The following KCNMB1 variants were observed in gnomAD, a reference collection of about 807,000 sequenced individuals.
KCNMB1 encodes calcium-activated potassium channel subunit beta-1.
In KCNMB1, 22 loss-of-function variants were observed where a neutral mutation model predicts 21.7. The observed-to-expected ratio is 1.01, with a 90% CI of 0.72 to 1.45. KCNMB1 has a LOEUF of 1.45. Among genes scored for constraint, KCNMB1 ranks in the 40% most tolerant of loss-of-function variants. KCNMB1 has a pLI of 0.00. For synonymous variants in KCNMB1, 114 were observed against 107.6 expected (o/e 1.06, Z -0.37); for missense variants, 243 against 243.4 (o/e 1.00, Z 0.01).
At chr5:170,383,987 G>A (rs1764364034) in intron 2 of KCNMB1, 137 bp from the exon 3 acceptor site, 2 of 818,442 alleles carry the variant, frequency 2.4e-6, no homozygotes, top group Non-Finnish European at 3.8e-6. Flanking sequence ...TCAGCATCCA[G>A]CAATAAAGGC....
At chr5:170,381,740 A>G (rs1299146688) in intron 3 of KCNMB1, among the ~76,000 whole-genome samples, 1 of 152,204 alleles carries the variant, frequency 6.6e-6, no homozygotes, top group African/African-American at 2.4e-5. Flanking sequence ...TCTCAGGACC[A>G]GGGAGGCAGC....
Position 170,382,971 on chromosome 5 carries a change from G to A in KCNMB1, c.306+708C>T, listed in dbSNP as rs572743735. On this transcript the variant is annotated intron_variant, in intron 3 of 3. Coordinates refer to ENST00000274629, the MANE Select transcript of KCNMB1 (RefSeq NM_004137.4). ...AGGAAGGAAGGAAGGAAGGAAGGGA[G>A]GGAGAGAGGGAGGGAAGGAGGGAGG... is the stretch of plus-strand genomic sequence containing the variant. 2.3e-3 allele frequency: 348 copies of A among 149,470 alleles called. 5 individuals carry two copies. The highest frequency in any genetic ancestry group is 0.017 in the Admixed American group (248 of 14,808). 9.3% of individuals were successfully genotyped at this position (149,470 alleles called of 1,614,324 possible).
rs1764025016 is a variant in KCNMB1 at position 170,376,875 on chromosome 5, G to A, written c.*1829C>T. The A allele has an allele frequency of 6.6e-6, 1 of 151,986 alleles. No individual in the cohort carries two copies. The highest frequency in any genetic ancestry group is 1.5e-5 in the Non-Finnish European group (1 of 68,002). The allele number at this position is 151,986 out of a possible 1,614,324, so 9.4% of individuals were successfully genotyped here. A position where few individuals can be genotyped will look rare whatever the true frequency, so the allele number is the denominator to read the frequency against. ...GTGTACCCTGCAACTTAAAATGAAA[G>A]TTAAGAAAAAAACACACACACAAAA... is the stretch of plus-strand genomic sequence containing the variant. On this transcript the variant is annotated 3_prime_UTR_variant, in exon 4 of 4. Transcript: ENST00000274629.
In KCNMB1 at chr5:170,378,820, G is replaced by T. The variant is rs1310513332; in HGVS notation, c.460C>A (p.Pro154Thr). 2 of 1,614,122 alleles carry T rather than the reference G, an allele frequency of 1.2e-6. No individual in the cohort carries two copies. The highest frequency in any genetic ancestry group is 1.3e-5 in the African/African-American group (1 of 74,940). Residue 154 changes from proline to threonine, a missense_variant, in exon 4 of 4, where the codon CCC (proline) becomes ACC (threonine). Coordinates refer to ENST00000274629, the MANE Select transcript of KCNMB1 (RefSeq NM_004137.4). ...AAGAGGGAGAAGAGGAGGGCCTGGG[G>T]CCCGTAGAGGCGCTGGAATAGGACG... The part of the protein sequence containing the change: ...TSVLFQRLYG[P>T]QALLFSLFWP...
chr5:170,385,971 A>T (rs1764452391), intron 1 of KCNMB1, among the ~76,000 whole-genome samples: 1 of 151,750 alleles, frequency 6.6e-6, no homozygotes. Context: ...AAAAAAATAC[A>T]AAAAATTAGC....
chr5:170,384,228 C>T (rs908850815), intron 2 of KCNMB1, among the ~76,000 whole-genome samples: 8 of 152,172 alleles, frequency 5.3e-5, no homozygotes, highest in East Asian at 1.9e-4. Flanking sequence ...GTGATTCTGA[C>T]GAGCAGCCAA....
Position 170,378,566 on chromosome 5 carries a change from C to T in KCNMB1, c.*138G>A. On this transcript the variant is annotated 3_prime_UTR_variant, in exon 4 of 4. Coordinates refer to ENST00000274629, the MANE Select transcript of KCNMB1 (RefSeq NM_004137.4). ...AAGGATTTCTCAAAGGTTAGTCCTG[C>T]AACAGAAGACAGCGTGGATTGGACT... 1 of 927,024 alleles carries T rather than the reference C, an allele frequency of 1.1e-6. No individual in the cohort carries two copies. Among genetic ancestry groups the T allele is most frequent in the African/African-American group, 1.7e-5 (1 of 60,482 alleles). 57.4% of individuals were successfully genotyped at this position (927,024 alleles called of 1,614,324 possible).
intron 1 of KCNMB1, among the ~76,000 whole-genome samples, chr5:170,386,245 T>C (rs1764467365): frequency 6.6e-6 from 1 of 151,944 alleles, no homozygotes; most frequent in South Asian, 2.1e-4. Flanking sequence ...TGAAGGGAGA[T>C]TAAACAGATG....
At chr5:170,385,272 A>G in intron 2 of KCNMB1, 42 bp downstream of exon 2, 1 of 1,606,804 alleles carries the variant, frequency 6.2e-7, no homozygotes. Context: ...CCAGACCCTT[A>G]GGAGAGGGTT....
chr5:170,386,122 C>CA (rs57184065), intron 1 of KCNMB1, among the ~76,000 whole-genome samples: 2,642 of 133,634 alleles, frequency 0.02, 73 homozygotes, highest in African/African-American at 0.065. Context: ...AAGACTCCGT[C>CA]AAAAAAAAAA....
At chr5:170,386,486 G>A (rs549645719) in intron 1 of KCNMB1, among the ~76,000 whole-genome samples, 4 of 152,262 alleles carry the variant, frequency 2.6e-5, no homozygotes, top group East Asian at 1.9e-4. Context: ...GGTCCCATGC[G>A]GTGAGCGAGC....
intron 3 of KCNMB1, chr5:170,383,409 C>T: frequency 1.7e-6 from 1 of 601,986 alleles, no homozygotes; most frequent in Admixed American, 2.9e-5. Flanking sequence ...CAAGGTGCAG[C>T]ATTAGCATTC....
At position 170,383,689 on chromosome 5, in the gene KCNMB1, T is replaced by C; in HGVS notation, c.296A>G (p.Gln99Arg). 6.2e-7 allele frequency: 1 copy of C among 1,614,178 alleles called. No homozygotes were observed. Among genetic ancestry groups the C allele is most frequent in the Non-Finnish European group, 8.5e-7 (1 of 1,180,022 alleles). The stretch of plus-strand genomic sequence containing the variant: ...CCTCCAGTTCAGTACCTGCTGGTTC[T>C]GGTCCCGAGTGTCCTCCGTGTGGTA... Reference protein sequence around the residue: ...VLYHTEDTRDQNQQCSYIPGS... With the variant: ...VLYHTEDTRDRNQQCSYIPGS... Residue 99 changes from glutamine (Q) to arginine (R), a missense_variant, in exon 3 of 4, where the codon CAG becomes CGG. Gln to Arg is a conservative substitution (Grantham distance 43). Coordinates refer to ENST00000274629, the MANE Select transcript of KCNMB1 (RefSeq NM_004137.4).
chr5:170,386,336 G>T (rs78838035), intron 1 of KCNMB1, among the ~76,000 whole-genome samples: 2 of 152,118 alleles, frequency 1.3e-5, no homozygotes, highest in Non-Finnish European at 2.9e-5. Context: ...AGAAGCTGGC[G>T]GGGGCAAGGA....
At chr5:170,379,554 G>C (rs1250220816) in intron 3 of KCNMB1, among the ~76,000 whole-genome samples, 1 of 152,150 alleles carries the variant, frequency 6.6e-6, no homozygotes. Context: ...GGCAGGGCCT[G>C]TCAATAGGGA....
rs1270967853 is a variant in KCNMB1, at chr5:170,376,910, A to G, written c.*1794T>C. 1 of 152,224 alleles carries G rather than the reference A, an allele frequency of 6.6e-6. No homozygotes were observed. Among genetic ancestry groups the G allele is most frequent in the Non-Finnish European group, 1.5e-5 (1 of 68,024 alleles). 9.4% of individuals were successfully genotyped at this position (152,224 alleles called of 1,614,324 possible). ...AAACACACACACAAAACAAACAAAAAAAACTATAGTTGCCATTTTAAACAC... is the reference window on the plus strand; with the variant it reads ...AAACACACACACAAAACAAACAAAAGAAACTATAGTTGCCATTTTAAACAC... On this transcript the variant is annotated 3_prime_UTR_variant, in exon 4 of 4. Transcript: ENST00000274629.
intron 3 of KCNMB1, among the ~76,000 whole-genome samples, chr5:170,381,629 C>G (rs1436074320): frequency 1.3e-5 from 2 of 152,182 alleles, no homozygotes; most frequent in African/African-American, 4.8e-5. Context: ...CACACCTGGT[C>G]AAGCCTGGGC....
chr5:170,382,018 T>C (rs754069079), intron 3 of KCNMB1, among the ~76,000 whole-genome samples: 1 of 151,952 alleles, frequency 6.6e-6, no homozygotes, highest in Non-Finnish European at 1.5e-5. Context: ...TCCCCCAGCC[T>C]CCACGCCCCA....
chr5:170,385,081 C>A (rs759670760), intron 2 of KCNMB1, among the ~76,000 whole-genome samples: 3 of 152,166 alleles, frequency 2.0e-5, no homozygotes, highest in South Asian at 4.1e-4. Context: ...GTTACCACCA[C>A]GTCCTAGATC....
Sources: gnomAD v4.1 joint callset for allele counts (sites outside exome capture counted in the v4.1 genomes callset) on GRCh38, gnomAD v4.1.1 for gene constraint, MANE v1.5 for transcripts, NCBI Gene and HGNC (gene_info 2026-07-23, HGNC 2026-07-21) for gene names.